Variants in LAPTM5 observed in about 807,000 individuals in gnomAD.
The protein encoded by LAPTM5 is lysosomal-associated transmembrane protein 5.
In LAPTM5, 11 loss-of-function variants were observed where a neutral mutation model predicts 30.1. The ratio of observed to expected loss-of-function variants is 0.37; its 90% confidence interval spans 0.23 to 0.60. The LOEUF is 0.60. Among genes scored for constraint, LAPTM5 ranks in the 20% least tolerant of loss-of-function variants. The pLI, the probability that LAPTM5 is intolerant of heterozygous loss-of-function variation, is 0.71. For missense variants in LAPTM5, 324 were observed against 332.5 expected (o/e 0.97, Z 0.20); for synonymous variants, 151 against 137.9 (o/e 1.10, Z -0.67).
rs1457727934 is a variant in LAPTM5, at chr1:30,746,027, T to C, written c.88-3478A>G. ...CTCCCCTGAGGCTCCAGGATCTCTCTAGCCATCTGCCCACCCTTCCCTGGC... is the reference window on the plus strand; with the variant it reads ...CTCCCCTGAGGCTCCAGGATCTCTCCAGCCATCTGCCCACCCTTCCCTGGC... On this transcript the variant is annotated intron_variant, in intron 1 of 7. Transcript: ENST00000294507. The surrounding 1 kb of genome is among the most constrained non-coding windows in gnomAD (Gnocchi z 4.0). 1 of 152,216 alleles carries C rather than the reference T, an allele frequency of 6.6e-6. No individual in the cohort carries two copies. The highest frequency in any genetic ancestry group is 2.4e-5 in the African/African-American group (1 of 41,406). 9.4% of individuals were successfully genotyped at this position (152,216 alleles called of 1,614,324 possible). A position where few individuals can be genotyped will look rare whatever the true frequency, so the allele number is the denominator to read the frequency against.
At position 30,746,600 on chromosome 1, in the gene LAPTM5, G is replaced by A. The variant is rs370942564; in HGVS notation, c.88-4051C>T. On this transcript the variant is annotated intron_variant, in intron 1 of 7. Coordinates refer to ENST00000294507, the MANE Select transcript of LAPTM5 (RefSeq NM_006762.3). This position sits in a 1 kb window ranked among gnomAD's most constrained non-coding sequence, Gnocchi z 4.0. ...CAAGGCTTCTCTCCCCCAACAATGC[G>A]CAGGCAGACAGCATGCCCTCACCCA... Among the ~76,000 whole-genome samples the A allele has an allele frequency of 6.5e-4, 99 of 152,262 alleles. 1 individual carries two copies. The South Asian group carries it at 0.018, about 27-fold the overall frequency.
chr1:30,748,858 G>A (rs746510319), intron 1 of LAPTM5, among the ~76,000 whole-genome samples: 5 of 152,238 alleles, frequency 3.3e-5, no homozygotes, highest in African/African-American at 7.2e-5. Context: ...CAGTGCAGCC[G>A]CTGATCCCCT....
At chr1:30,735,114 G>T in intron 7 of LAPTM5, 59 bp downstream of exon 7, 2 of 1,237,146 alleles carry the variant, frequency 1.6e-6, no homozygotes, top group South Asian at 1.2e-5. Flanking sequence ...AAGGAAACTT[G>T]ACCCAAATGG....
chr1:30,747,365 G>A (rs565437686), intron 1 of LAPTM5, among the ~76,000 whole-genome samples: 4 of 152,236 alleles, frequency 2.6e-5, no homozygotes, highest in East Asian at 1.9e-4. Context: ...GAGAGACAGC[G>A]ACCAGCCCAA....
intron 3 of LAPTM5, among the ~76,000 whole-genome samples, chr1:30,740,972 C>T (rs1372034769): frequency 3.3e-5 from 5 of 152,242 alleles, no homozygotes; most frequent in Admixed American, 3.3e-4. Flanking sequence ...TGGTGAGGCC[C>T]TGGCTTCCTG....
At chr1:30,750,461 T>C (rs1319375450) in intron 1 of LAPTM5, among the ~76,000 whole-genome samples, 1 of 152,214 alleles carries the variant, frequency 6.6e-6, no homozygotes, top group Non-Finnish European at 1.5e-5. Context: ...ATGTGGAACC[T>C]GCGGATAGGG....
At chr1:30,757,379 A>G (rs1165228483) in intron 1 of LAPTM5, among the ~76,000 whole-genome samples, 3 of 152,246 alleles carry the variant, frequency 2.0e-5, no homozygotes, top group Non-Finnish European at 4.4e-5. Context: ...AGAGGCAGAA[A>G]CGGAGCCAGC....
At position 30,748,668 on chromosome 1, in the gene LAPTM5, C is replaced by T. The variant is rs3790495; in HGVS notation, c.88-6119G>A. Among the ~76,000 whole-genome samples the T allele has an allele frequency of 0.011, 1,667 of 152,352 alleles. 99 individuals are homozygous for T. The East Asian group carries it at 0.18, about 17-fold the overall frequency. On this transcript the variant is annotated intron_variant, in intron 1 of 7. Transcript: ENST00000294507. Reference sequence around the variant, plus strand: ...TCCAGCCAGCCCAGATACCACCAGACGCCCCCATTCCTGGGGCCACGCACT... The same window carrying T: ...TCCAGCCAGCCCAGATACCACCAGATGCCCCCATTCCTGGGGCCACGCACT...
Position 30,733,057 on chromosome 1 carries a change from AAT to A in LAPTM5, c.*769_*770del, listed in dbSNP as rs1393363097. 8.4e-5 allele frequency: 13 copies of A among 155,004 alleles called. No homozygotes were observed. Among genetic ancestry groups the A allele is most frequent in the African/African-American group, 2.9e-4 (12 of 41,468 alleles). The allele number at this position is 155,004 out of a possible 1,614,324, so 9.6% of individuals were successfully genotyped here. On this transcript the variant is annotated 3_prime_UTR_variant, in exon 8 of 8. Transcript: ENST00000294507. ...GTTTGAAGGGACTGTTTTATGATGA[AAT>A]AACTGTTATTTCCTGGAGCTAATTG...
At chr1:30,737,572 C>T in intron 6 of LAPTM5, 32 bp downstream of exon 6, 1 of 1,542,336 alleles carries the variant, frequency 6.5e-7, no homozygotes. Flanking sequence ...CTCACCACCC[C>T]TCCCAGAGCC....
rs147094889 is a variant in LAPTM5 at position 30,757,668 on chromosome 1, G to C, written c.78C>G (p.Ile26Met). 1.1e-5 allele frequency: 17 copies of C among 1,613,728 alleles called. No individual in the cohort carries two copies. In the African/African-American group the frequency reaches 1.9e-4, roughly 18 times the overall value. Reference protein sequence around the residue: ...NVRIATTALAIYHVIMSVLLF... With the variant: ...NVRIATTALAMYHVIMSVLLF... The stretch of plus-strand genomic sequence containing the variant: ...GGGCCCGCACACTCACCACATGGTA[G>C]ATGGCCAGGGCGGTGGTTGCGATGC... The change falls in exon 1 of 8, where the codon ATC (isoleucine) becomes ATG (methionine). Residue 26 changes from isoleucine (I) to methionine (M), a missense_variant. Physicochemically the swap from Ile to Met is conservative, Grantham distance 10. Coordinates refer to ENST00000294507, the MANE Select transcript of LAPTM5 (RefSeq NM_006762.3).
At chr1:30,745,914 T>G (rs1640036788) in intron 1 of LAPTM5, 1 of 152,254 alleles carries the variant, frequency 6.6e-6, no homozygotes, top group South Asian at 2.1e-4. Context: ...GAGAGAGAAC[T>G]CACATGTCCT....
chr1:30,740,770 G>A (rs1056028045), intron 3 of LAPTM5, among the ~76,000 whole-genome samples: 4 of 152,110 alleles, frequency 2.6e-5, no homozygotes, highest in East Asian at 1.9e-4. Context: ...CAAGGCAAAC[G>A]GCCTCCCCAG....
chr1:30,735,030 A>G, intron 7 of LAPTM5, 143 bp downstream of exon 7: 1 of 678,120 alleles, frequency 1.5e-6, no homozygotes, highest in South Asian at 1.7e-5. Context: ...TTAGACTACC[A>G]GAACTGAAAG....
At chr1:30,742,370 G>A (rs1208136293) in intron 2 of LAPTM5, 86 bp downstream of exon 2, 1 of 894,226 alleles carries the variant, frequency 1.1e-6, no homozygotes, top group Non-Finnish European at 1.8e-6. Flanking sequence ...AGGTGGCAGT[G>A]CCTCCAACAC....
At chr1:30,745,554 G>A (rs1300752891) in intron 1 of LAPTM5, among the ~76,000 whole-genome samples, 2 of 152,268 alleles carry the variant, frequency 1.3e-5, no homozygotes, top group East Asian at 3.9e-4. Context: ...ACAACCCTGC[G>A]GCAGGGGACG....
At position 30,733,682 on chromosome 1, in the gene LAPTM5, G is replaced by T. The variant is rs1292429535; in HGVS notation, c.*146C>A. 2 of 1,534,230 alleles carry T rather than the reference G, an allele frequency of 1.3e-6. No homozygotes were observed. The highest frequency in any genetic ancestry group is 2.4e-5 in the South Asian group (2 of 83,322). ...GCAGCTCACAGGCCCTGCAGGAGGA[G>T]CAGGCCAGCGAGGGAGACACAAGCA... is the stretch of plus-strand genomic sequence containing the variant. On this transcript the variant is annotated 3_prime_UTR_variant, in exon 8 of 8. Transcript: ENST00000294507.
intron 6 of LAPTM5, 35 bp from the exon 7 acceptor site, chr1:30,735,300 G>A (rs1240750955): frequency 1.3e-6 from 2 of 1,575,812 alleles, no homozygotes; most frequent in East Asian, 2.2e-5. Context: ...GTGCTTTGCT[G>A]AGCGTCCTTC....
In LAPTM5 at chr1:30,739,123, A is replaced by C; in HGVS notation, c.388-61T>G. On this transcript the variant is annotated intron_variant, in intron 4 of 7. Coordinates refer to ENST00000294507, the MANE Select transcript of LAPTM5 (RefSeq NM_006762.3). The surrounding 1 kb of genome is among the most constrained non-coding windows in gnomAD (Gnocchi z 4.2). ...GCAGCAATTAAAGTCCCAGTTACTG[A>C]GCGGCACATAGTAGGCCCTCACTTG... 1 of 1,541,882 alleles carries C rather than the reference A, an allele frequency of 6.5e-7. No individual in the cohort carries two copies. Among genetic ancestry groups the C allele is most frequent in the Non-Finnish European group, 8.8e-7 (1 of 1,141,198 alleles).
Sources: gnomAD v4.1 joint callset for allele counts (sites outside exome capture counted in the v4.1 genomes callset) on GRCh38, gnomAD v4.1.1 for gene constraint, Gnocchi (gnomAD v3.1) non-coding constraint, MANE v1.5 for transcripts, NCBI Gene and HGNC (gene_info 2026-07-23, HGNC 2026-07-21) for gene names.